CA10: variants seen among roughly 807,000 people sequenced by gnomAD.
CA10 encodes carbonic anhydrase 10 (inactive).
A neutral mutation model predicts 44.2 loss-of-function variants in CA10; 14 were observed. The ratio of observed to expected loss-of-function variants is 0.32; its 90% CI spans 0.21 to 0.50. The LOEUF (loss-of-function observed/expected upper bound fraction) is 0.50. Among genes scored for constraint, CA10 ranks in the 20% least tolerant of loss-of-function variants. The pLI is 0.99. For missense variants in CA10, 350 were observed against 409.7 expected, an observed-to-expected ratio of 0.85 and a Z score of 1.26; for synonymous variants, 159 against 141.6, an observed-to-expected ratio of 1.12 and a Z score of -0.87.
rs71149386 is a variant in CA10, at chr17:51,959,282, CTG to C, written c.137-28152_137-28151del. Among the ~76,000 whole-genome samples the C allele has an allele frequency of 6.6e-3, 890 of 134,390 alleles. 5 individuals carry two copies. Among genetic ancestry groups the C allele is most frequent in the African/African-American group, 0.021 (749 of 35,008 alleles). 88.2% of individuals were successfully genotyped at this position (134,390 alleles called of 152,430 possible). On this transcript the variant is annotated intron_variant, in intron 2 of 8. Transcript: ENST00000451037. ...TTGTTCTCTCTCTCGCTCTCTCTCT[CTG>C]TGTGTGTGTGTGTGTGTGTGTGTGT...
At chr17:52,138,677 G>A (rs569241048) in intron 1 of CA10, among the ~76,000 whole-genome samples, 1 of 152,224 alleles carries the variant, frequency 6.6e-6, no homozygotes, top group African/African-American at 2.4e-5. Context: ...GGTGTATAGA[G>A]CTCAGTCCAC....
chr17:51,709,410 T>G (rs920345971), intron 4 of CA10, among the ~76,000 whole-genome samples: 1 of 152,176 alleles, frequency 6.6e-6, no homozygotes, highest in African/African-American at 2.4e-5. Flanking sequence ...AGGGAATGCT[T>G]CTCTGGGAAG....
At position 52,103,171 on chromosome 17, in the gene CA10, T is replaced by C. The variant is rs145877988; in HGVS notation, c.62-30778A>G. Among the ~76,000 whole-genome samples, 344 of 152,304 alleles carry C rather than the reference T, an allele frequency of 2.3e-3. 1 individual carries two copies. The highest frequency in any genetic ancestry group is 7.9e-3 in the African/African-American group (330 of 41,560). ...CCAGCACCTGTGTTTTGTAAAACCA[T>C]CTTCCCTGGTAATTTTTGTACACAG... On this transcript the variant is annotated intron_variant, in intron 1 of 8. Transcript: ENST00000451037.
intron 3 of CA10, among the ~76,000 whole-genome samples, chr17:51,767,152 G>C (rs1567832839): frequency 6.6e-6 from 1 of 152,142 alleles, no homozygotes; most frequent in Non-Finnish European, 1.5e-5. Context: ...GCATGAGGAG[G>C]ATTTAATTAT....
intron 3 of CA10, among the ~76,000 whole-genome samples, chr17:51,907,526 A>G (rs1221970607): frequency 6.6e-6 from 1 of 152,150 alleles, no homozygotes; most frequent in Admixed American, 6.6e-5. Context: ...GTTCCTGACC[A>G]GATCCCTCTT....
At chr17:52,146,312 C>T in intron 1 of CA10, among the ~76,000 whole-genome samples, 1 of 152,260 alleles carries the variant, frequency 6.6e-6, no homozygotes. Flanking sequence ...GTAATCCCAC[C>T]ACTTTGGGAG....
At chr17:52,031,773 C>T (rs1986473964) in intron 2 of CA10, among the ~76,000 whole-genome samples, 1 of 152,232 alleles carries the variant, frequency 6.6e-6, no homozygotes, top group East Asian at 1.9e-4. Context: ...TTCTCCCATT[C>T]CGCCAAATTT....
At position 52,057,004 on chromosome 17, in the gene CA10, T is replaced by C. The variant is rs990343864; in HGVS notation, c.136+15315A>G. ...GAGACACGACTTGGCCTACAGTAGC[T>C]CCACCAATCTGGAACCCTTTGAAAT... On this transcript the variant is annotated intron_variant, in intron 2 of 8. Coordinates refer to ENST00000451037, the MANE Select transcript of CA10 (RefSeq NM_020178.5). Among the ~76,000 whole-genome samples, 4 of 152,080 alleles carry C rather than the reference T, an allele frequency of 2.6e-5. No homozygotes were observed. The South Asian group carries it at 8.3e-4, about 31-fold the overall frequency.
chr17:52,148,158 C>T (rs575235590), intron 1 of CA10, among the ~76,000 whole-genome samples: 1 of 152,300 alleles, frequency 6.6e-6, no homozygotes, highest in East Asian at 1.9e-4. Context: ...TATTGCTCTG[C>T]ATCAAGACTA....
At chr17:51,820,191 C>CG (rs202040419) in intron 3 of CA10, among the ~76,000 whole-genome samples, 1 of 130,142 alleles carries the variant, frequency 7.7e-6, no homozygotes, top group African/African-American at 3.0e-5. Flanking sequence ...CGCCGCCCCC[C>CG]CCCCCCCAGG....
rs552479156 is a variant in CA10 at position 51,925,070 on chromosome 17, T to G, written c.279+5920A>C. Among the ~76,000 whole-genome samples the G allele has an allele frequency of 3.9e-5, 6 of 152,226 alleles. No individual in the cohort carries two copies. In the South Asian group the frequency reaches 1.2e-3, roughly 32 times the overall value. The stretch of plus-strand genomic sequence containing the variant: ...TCTCTCTCTTTCTCTGTCTCTCTTT[T>G]TAAAGATGGGGTCTTATTATGTTGC... On this transcript the variant is annotated intron_variant, in intron 3 of 8. Coordinates refer to ENST00000451037, the MANE Select transcript of CA10 (RefSeq NM_020178.5).
At chr17:51,990,440 T>A (rs76339209) in intron 2 of CA10, among the ~76,000 whole-genome samples, 1 of 149,170 alleles carries the variant, frequency 6.7e-6, no homozygotes, top group Non-Finnish European at 1.5e-5. Flanking sequence ...TAAAAAAAAA[T>A]TAGTATAAAT....
At chr17:51,660,882 C>T (rs1353245359) in intron 4 of CA10, among the ~76,000 whole-genome samples, 1 of 152,008 alleles carries the variant, frequency 6.6e-6, no homozygotes, top group East Asian at 1.9e-4. Context: ...ACTGGGCTTC[C>T]TCCTTTCCTA....
intron 3 of CA10, among the ~76,000 whole-genome samples, chr17:51,850,335 C>T (rs1039678733): frequency 6.6e-6 from 1 of 152,132 alleles, no homozygotes; most frequent in Non-Finnish European, 1.5e-5. Flanking sequence ...CCATGCTAGT[C>T]AAATGGTCTT....
chr17:51,652,168 G>A (rs896125663), intron 5 of CA10, among the ~76,000 whole-genome samples: 1 of 152,176 alleles, frequency 6.6e-6, no homozygotes, highest in Non-Finnish European at 1.5e-5. Context: ...TCTCCTGGCT[G>A]GGCTGTTATA....
At chr17:52,147,314 G>A (rs1356492178) in intron 1 of CA10, among the ~76,000 whole-genome samples, 1 of 151,998 alleles carries the variant, frequency 6.6e-6, no homozygotes. Context: ...TCCCTGTCTT[G>A]CAAGGAGCAC....
intron 4 of CA10, among the ~76,000 whole-genome samples, chr17:51,700,585 C>T (rs1310172630): frequency 3.3e-5 from 5 of 152,182 alleles, no homozygotes; most frequent in East Asian, 1.9e-4. Flanking sequence ...TCCATCTGCT[C>T]GTCTCACCTT....
intron 4 of CA10, among the ~76,000 whole-genome samples, chr17:51,658,830 A>G (rs1597967810): frequency 6.6e-6 from 1 of 152,216 alleles, no homozygotes; most frequent in Non-Finnish European, 1.5e-5. Context: ...CTCATAGTTC[A>G]GCTGGGATTG....
intron 2 of CA10, among the ~76,000 whole-genome samples, chr17:52,018,647 T>C (rs1986042746): frequency 6.6e-6 from 1 of 152,104 alleles, no homozygotes; most frequent in African/African-American, 2.4e-5. Flanking sequence ...GAAGCTTGCC[T>C]TGAGTGTCAG....
Sources: allele counts gnomAD v4.1 joint callset (sites outside exome capture counted in the v4.1 genomes callset), GRCh38; gene constraint gnomAD v4.1.1; transcripts MANE v1.5; gene names NCBI Gene and HGNC (gene_info 2026-07-23, HGNC 2026-07-21).